The following ZNF76 variants were observed in gnomAD, a reference collection of about 807,000 sequenced individuals.
ZNF76 encodes zinc finger protein 76, also known as zinc finger protein 523.
ZNF76 carries 66 observed loss-of-function variants against 66.9 expected under a neutral mutation model. The ratio of observed to expected loss-of-function variants is 0.99; its 90% CI spans 0.81 to 1.21. ZNF76 has a LOEUF of 1.21. ZNF76 is among the 50% of genes most tolerant of loss of function. The pLI, the probability that ZNF76 is intolerant of heterozygous loss-of-function variation, is 0.00. For synonymous variants in ZNF76, 275 were observed against 296.1 expected (o/e 0.93, Z 0.73); for missense variants, 729 against 760.3 (o/e 0.96, Z 0.48).
intron 1 of ZNF76, among the ~76,000 whole-genome samples, chr6:35,261,002 A>G (rs1036599264): frequency 1.3e-5 from 2 of 152,156 alleles, no homozygotes; most frequent in Non-Finnish European, 2.9e-5. Context: ...GCAGTATAGC[A>G]GAGTGCTTCA....
chr6:35,295,444 C>A lies in ZNF76; in HGVS notation c.*196C>A. 1.6e-6 allele frequency: 1 copy of A among 624,968 alleles called. No homozygotes were observed. The highest frequency in any genetic ancestry group is 1.7e-5 in the South Asian group (1 of 58,846). The allele number at this position is 624,968 out of a possible 1,614,324, so 38.7% of individuals were successfully genotyped here. A position where few individuals can be genotyped will look rare whatever the true frequency, so the allele number is the denominator to read the frequency against. ...AAGAAGGGGGCCAGGCAGCTGGAAT[C>A]AGGGGAGTGCATCATCCTCGGGAGC... On this transcript the variant is annotated 3_prime_UTR_variant, in exon 14 of 14. Transcript: ENST00000373953.
At position 35,295,660 on chromosome 6, in the gene ZNF76, C is replaced by T; in HGVS notation, c.*412C>T. The T allele has an allele frequency of 4.4e-6, 1 of 229,010 alleles. No homozygotes were observed. Among genetic ancestry groups the T allele is most frequent in the South Asian group, 5.7e-5 (1 of 17,606 alleles). 14.2% of individuals were successfully genotyped at this position (229,010 alleles called of 1,614,324 possible). ...TCAGCCCAGTAGCAGTGGAGCAGGC[C>T]CTGTCCTGCCCTCCCAGCAATAACC... On this transcript the variant is annotated 3_prime_UTR_variant, in exon 14 of 14. Transcript: ENST00000373953.
chr6:35,275,947 AG>A (rs1252148715), intron 1 of ZNF76, among the ~76,000 whole-genome samples: 1 of 152,180 alleles, frequency 6.6e-6, no homozygotes, highest in Non-Finnish European at 1.5e-5. Context: ...AATTAGCAGA[AG>A]GAAGAAGTGC....
rs753495472 is a variant in ZNF76 at position 35,291,684 on chromosome 6, G to A, written c.878G>A (p.Gly293Asp). The change falls in exon 9 of 14, where the codon GGC becomes GAC. Residue 293 changes from glycine to aspartate, a missense_variant. Coordinates refer to ENST00000373953, the MANE Select transcript of ZNF76 (RefSeq NM_003427.5). ...TACACCTGCCCGGAGCCCCACTGTG[G>A]CCGCGGCTTCACCAGCGCCACCAAC... ...RPYTCPEPHC[G>D]RGFTSATNYK... 1.2e-6 allele frequency: 2 copies of A among 1,613,446 alleles called. No individual in the cohort carries two copies. Among genetic ancestry groups the A allele is most frequent in the Non-Finnish European group, 8.5e-7 (1 of 1,180,008 alleles).
In ZNF76 at chr6:35,295,735, TC is replaced by T; in HGVS notation, c.*489del. The stretch of plus-strand genomic sequence containing the variant: ...GCCTGGCTACTTGGCACCAGGGACT[TC>T]CTGACACCACAGTCAATTAATTCCT... On this transcript the variant is annotated 3_prime_UTR_variant, in exon 14 of 14. Coordinates refer to ENST00000373953, the MANE Select transcript of ZNF76 (RefSeq NM_003427.5). 1 of 213,406 alleles carries T rather than the reference TC, an allele frequency of 4.7e-6. No individual in the cohort carries two copies. Among genetic ancestry groups the T allele is most frequent in the Non-Finnish European group, 9.8e-6 (1 of 101,942 alleles). 13.2% of individuals were successfully genotyped at this position (213,406 alleles called of 1,614,324 possible).
In ZNF76 at chr6:35,292,288, C is replaced by A; in HGVS notation, c.932-266C>A. 3.7e-6 allele frequency: 2 copies of A among 539,646 alleles called. No homozygotes were observed. The highest frequency in any genetic ancestry group is 4.2e-5 in the South Asian group (2 of 47,982). The allele number at this position is 539,646 out of a possible 1,614,324, so 33.4% of individuals were successfully genotyped here. A position where few individuals can be genotyped will look rare whatever the true frequency, so the allele number is the denominator to read the frequency against. On this transcript the variant is annotated intron_variant, in intron 9 of 13. Transcript: ENST00000373953. The surrounding 1 kb of genome is among the most constrained non-coding windows in gnomAD (Gnocchi z 4.7). ...CCCTCAACCTTATAAGCCCCAGTGC[C>A]CCCTACCAGCCCCTTCACTAGCCCC...
At chr6:35,291,241 G>C (rs773662646) in intron 7 of ZNF76, 37 bp from the exon 8 acceptor site, 8 of 1,576,848 alleles carry the variant, frequency 5.1e-6, no homozygotes, top group Non-Finnish European at 6.9e-6. Flanking sequence ...ACCCCACTGG[G>C]TGCTCATCTC....
Position 35,291,739 on chromosome 6 carries a change from T to C in ZNF76, c.931+2T>C, listed in dbSNP as rs1234871072. ...AGAATCACGTGCGCATCCACACAGG[T>C]GGGCTAGCTGGCATGCGAGGACTAC... is the stretch of plus-strand genomic sequence containing the variant. On this transcript the variant is annotated splice_donor_variant, in intron 9 of 13. Coordinates refer to ENST00000373953, the MANE Select transcript of ZNF76 (RefSeq NM_003427.5). LOFTEE classifies it high-confidence loss of function. 6.2e-7 allele frequency: 1 copy of C among 1,605,500 alleles called. No homozygotes were observed. The highest frequency in any genetic ancestry group is 8.5e-7 in the Non-Finnish European group (1 of 1,179,954).
chr6:35,293,600 C>A, intron 11 of ZNF76, 151 bp from the exon 12 acceptor site: 1 of 842,476 alleles, frequency 1.2e-6, no homozygotes, highest in East Asian at 2.6e-5. Context: ...AACCTTGGAC[C>A]CATTTTGTTT....
rs5875514 is a variant in ZNF76, at chr6:35,280,516, T to TCC, written c.-96-528_-96-527dup. Among the ~76,000 whole-genome samples the TCC allele has an allele frequency of 4.5e-3, 437 of 97,614 alleles. 7 individuals carry two copies. Among genetic ancestry groups the TCC allele is most frequent in the African/African-American group, 7.5e-3 (203 of 27,162 alleles). The allele number at this position is 97,614 out of a possible 152,430, so 64.0% of individuals were successfully genotyped here. ...AGGGAAAAGGAGGACTCAAGCATGATCCCCCCCCCCCCCGCCCTGAAGTTC... is the reference window on the plus strand; with the variant it reads ...AGGGAAAAGGAGGACTCAAGCATGATCCCCCCCCCCCCCCCGCCCTGAAGTTC... On this transcript the variant is annotated intron_variant, in intron 1 of 13. Transcript: ENST00000373953.
At chr6:35,291,201 C>G (rs965381354) in intron 7 of ZNF76, 77 bp from the exon 8 acceptor site, 2 of 1,534,260 alleles carry the variant, frequency 1.3e-6, no homozygotes, top group Non-Finnish European at 1.8e-6. Flanking sequence ...GGTGGAGAGC[C>G]TGTGCATGAG....
chr6:35,287,774 G>A lies in ZNF76; in HGVS notation c.361G>A (p.Asp121Asn). Reference protein sequence around the residue: ...LAVQTEVGLEDLAAEDDEGFS... With the variant: ...LAVQTEVGLENLAAEDDEGFS... The stretch of plus-strand genomic sequence containing the variant: ...CGTACAGACAGAGGTGGGCTTGGAG[G>A]ACCTGGCAGCAGAGGATGATGAGGG... The change falls in exon 5 of 14, where the codon GAC becomes AAC. Residue 121 changes from aspartate (D) to asparagine (N), a missense_variant. By Grantham distance (23) the Asp-to-Asn change is conservative (BLOSUM62 1). Transcript: ENST00000373953. This position sits in a 1 kb window ranked among gnomAD's most constrained non-coding sequence, Gnocchi z 4.0. 8 of 1,614,016 alleles carry A rather than the reference G, an allele frequency of 5.0e-6. No individual in the cohort carries two copies. The Admixed American group carries it at 5.0e-5, about 10-fold the overall frequency.
At chr6:35,267,704 A>G (rs1288619712) in intron 1 of ZNF76, among the ~76,000 whole-genome samples, 1 of 152,212 alleles carries the variant, frequency 6.6e-6, no homozygotes, top group Non-Finnish European at 1.5e-5. Context: ...TTCACTGCCA[A>G]GTGCAGACGA....
chr6:35,293,752 TCAGCCTGTCCCCGGAAGA>T lies in ZNF76; in HGVS notation c.1333_1350del (p.Ser445_Asp450del). 6.2e-7 allele frequency: 1 copy of T among 1,613,734 alleles called. No homozygotes were observed. The highest frequency in any genetic ancestry group is 8.5e-7 in the Non-Finnish European group (1 of 1,179,800). ...CTCATCTTCCCCTCCTGTTGGCAGG[TCAGCCTGTCCCCGGAAGA>T]CCTGCAGGCCCTGGGGAGTGCCATC... On this transcript the variant is annotated inframe_deletion and splice_region_variant, in exon 12 of 14. Coordinates refer to ENST00000373953, the MANE Select transcript of ZNF76 (RefSeq NM_003427.5).
rs1456001796 is a variant in ZNF76 at position 35,292,991 on chromosome 6, G to A, written c.1276G>A (p.Glu426Lys). Reference sequence around the variant, plus strand: ...CCCAGCCCAGGTGGCGATGGTGACTGAAGAAGATGGGGCCCCCCAGGTGGC... The same window carrying A: ...CCCAGCCCAGGTGGCGATGGTGACTAAAGAAGATGGGGCCCCCCAGGTGGC... Reference protein sequence around the residue: ...DIPAQVAMVTEEDGAPQVALI... With the variant: ...DIPAQVAMVTKEDGAPQVALI... Residue 426 changes from glutamate (E) to lysine (K), a missense_variant, in exon 11 of 14, where the codon GAA becomes AAA. Physicochemically the swap from Glu to Lys is moderately conservative, Grantham distance 56 (BLOSUM62 1). Coordinates refer to ENST00000373953, the MANE Select transcript of ZNF76 (RefSeq NM_003427.5). This position sits in a 1 kb window ranked among gnomAD's most constrained non-coding sequence, Gnocchi z 4.7. The A allele has an allele frequency of 6.2e-7, 1 of 1,614,064 alleles. No homozygotes were observed. The highest frequency in any genetic ancestry group is 8.5e-7 in the Non-Finnish European group (1 of 1,180,038).
At chr6:35,260,046 T>C (rs2150328329) in intron 1 of ZNF76, among the ~76,000 whole-genome samples, 1 of 95,726 alleles carries the variant, frequency 1.0e-5, no homozygotes, top group Non-Finnish European at 2.2e-5. Context: ...CCCCCGTGAC[T>C]CCCAAACCTC....
At chr6:35,277,375 C>T (rs1241868469) in intron 1 of ZNF76, among the ~76,000 whole-genome samples, 1 of 152,218 alleles carries the variant, frequency 6.6e-6, no homozygotes, top group African/African-American at 2.4e-5. Context: ...ACCCTGATGA[C>T]AGCCTTGGAT....
At chr6:35,277,960 T>C (rs6931442) in intron 1 of ZNF76, among the ~76,000 whole-genome samples, 135,735 of 152,128 alleles carry the variant, frequency 0.89, 60,726 homozygotes, top group East Asian at 0.99. Context: ...CCCAGGTTTA[T>C]GCCATTCTTC....
At chr6:35,274,277 T>G (rs893026903) in intron 1 of ZNF76, among the ~76,000 whole-genome samples, 4 of 152,274 alleles carry the variant, frequency 2.6e-5, no homozygotes, top group Non-Finnish European at 5.9e-5. Flanking sequence ...TTTCTTTTTT[T>G]GGCTTCTAAA....
Sources: gnomAD v4.1 joint callset for allele counts (sites outside exome capture counted in the v4.1 genomes callset) on GRCh38, gnomAD v4.1.1 for gene constraint, Gnocchi (gnomAD v3.1) non-coding constraint, MANE v1.5 for transcripts, NCBI Gene and HGNC (gene_info 2026-07-23, HGNC 2026-07-21) for gene names.